Variants in FKBP5 observed in about 807,000 individuals in gnomAD.
FKBP5 encodes peptidyl-prolyl cis-trans isomerase FKBP5.
FKBP5 carries 23 observed loss-of-function variants against 50.5 expected under a neutral mutation model. The ratio of observed to expected loss-of-function variants is 0.46; its 90% CI spans 0.33 to 0.65. The LOEUF is 0.65. Ranked by LOEUF, FKBP5 falls within the 30% of genes least tolerant of loss-of-function variation. The pLI is 0.02. For missense variants in FKBP5, 411 were observed against 553.1 expected, an observed-to-expected ratio of 0.74 and a Z score of 2.58; for synonymous variants, 176 against 190.6, an observed-to-expected ratio of 0.92 and a Z score of 0.63.
intron 9 of FKBP5, among the ~76,000 whole-genome samples, chr6:35,579,201 A>G (rs1270364438): frequency 6.6e-6 from 1 of 152,208 alleles, no homozygotes; most frequent in Non-Finnish European, 1.5e-5. Flanking sequence ...TATGAAAAAA[A>G]CGAAAAAATA....
chr6:35,626,407 C>T (rs1041149890), intron 3 of FKBP5, among the ~76,000 whole-genome samples: 42 of 152,022 alleles, frequency 2.8e-4, no homozygotes, highest in African/African-American at 9.9e-4. Flanking sequence ...TTAACAGTTT[C>T]ATTTATAGTA....
chr6:35,616,529 A>G (rs1355538420), intron 5 of FKBP5, among the ~76,000 whole-genome samples: 1 of 152,052 alleles, frequency 6.6e-6, no homozygotes, highest in Non-Finnish European at 1.5e-5. Flanking sequence ...TAAAGCATAT[A>G]AGGGAACGCG....
At chr6:35,658,066 TAAA>T (rs747364862) in intron 1 of FKBP5, among the ~76,000 whole-genome samples, 1 of 111,058 alleles carries the variant, frequency 9.0e-6, no homozygotes. Flanking sequence ...CTGTTTCTAC[TAAA>T]AAAAAAAAAA....
chr6:35,618,974 G>C (rs1763741970), intron 5 of FKBP5, 122 bp downstream of exon 5: 1 of 670,454 alleles, frequency 1.5e-6, no homozygotes, highest in Non-Finnish European at 2.6e-6. Context: ...GGGATTACAG[G>C]CGTGAGTCAC....
rs777842543 is a variant in FKBP5 at position 35,575,898 on chromosome 6, G to A, written c.1311C>T (p.Val437=). 8 of 1,613,840 alleles carry A rather than the reference G, an allele frequency of 5.0e-6. No homozygotes were observed. The South Asian group carries it at 5.5e-5, about 11-fold the overall frequency. ...GACTGTCTGTTCCTTTTTCATTAGT[G>A]ACCCCTTCTGAAGTCTTCTTGCCCA... is the stretch of plus-strand genomic sequence containing the variant. ...KAMGKKTSEG[V]TNEKGTDSQA... The change falls in exon 11 of 11, where the codon GTC becomes GTT. Residue 437 remains valine, a synonymous_variant. Coordinates refer to ENST00000357266, the MANE Select transcript of FKBP5 (RefSeq NM_004117.4).
intron 4 of FKBP5, 28 bp from the exon 5 acceptor site, chr6:35,619,238 G>A (rs1440720752): frequency 6.6e-7 from 1 of 1,508,674 alleles, no homozygotes; most frequent in Admixed American, 1.7e-5. Flanking sequence ...ATTCAGCTGA[G>A]AAAAGACCAA....
intron 1 of FKBP5, among the ~76,000 whole-genome samples, chr6:35,655,604 GA>G (rs1305198920): frequency 3.3e-5 from 5 of 152,154 alleles, no homozygotes; most frequent in Admixed American, 2.6e-4. Context: ...AATGGCATAG[GA>G]GCAGTACTCA....
chr6:35,611,115 G>A (rs937831559), intron 5 of FKBP5, among the ~76,000 whole-genome samples: 3 of 151,966 alleles, frequency 2.0e-5, no homozygotes, highest in African/African-American at 4.8e-5. Context: ...CACCTGTCTC[G>A]GGTTGGATTT....
At chr6:35,591,859 C>T (rs538184450) in intron 6 of FKBP5, among the ~76,000 whole-genome samples, 1 of 152,270 alleles carries the variant, frequency 6.6e-6, no homozygotes, top group South Asian at 2.1e-4. Flanking sequence ...TCTGACACCT[C>T]CTCTAGAGAA....
At chr6:35,686,407 C>T (rs1478892213) in intron 1 of FKBP5, among the ~76,000 whole-genome samples, 1 of 151,934 alleles carries the variant, frequency 6.6e-6, no homozygotes, top group African/African-American at 2.4e-5. Flanking sequence ...TGAAATGCAA[C>T]TTTATTGTAT....
intron 5 of FKBP5, among the ~76,000 whole-genome samples, chr6:35,617,089 C>A (rs1446822622): frequency 2.0e-5 from 3 of 152,102 alleles, no homozygotes; most frequent in Non-Finnish European, 2.9e-5. Context: ...TATCTCCCAA[C>A]TCCTAGTCTG....
At chr6:35,587,969 G>C (rs773024437) in intron 7 of FKBP5, among the ~76,000 whole-genome samples, 1 of 151,956 alleles carries the variant, frequency 6.6e-6, no homozygotes, top group Non-Finnish European at 1.5e-5. Flanking sequence ...AAAAGATAAC[G>C]AGTGTGTGTT....
At chr6:35,713,159 T>C (rs1258903426) in intron 2 of FKBP5, among the ~76,000 whole-genome samples, 2 of 133,022 alleles carry the variant, frequency 1.5e-5, no homozygotes, top group Admixed American at 1.5e-4. Flanking sequence ...ATTAGTAGAG[T>C]GGGCATAAGC....
chr6:35,715,686 C>T (rs1766498829), intron 2 of FKBP5, among the ~76,000 whole-genome samples: 1 of 152,220 alleles, frequency 6.6e-6, no homozygotes, highest in Non-Finnish European at 1.5e-5. Flanking sequence ...TGGGGGCAGG[C>T]TGCGAGTTGC....
chr6:35,721,781 C>T (rs1418272399), intron 1 of FKBP5, among the ~76,000 whole-genome samples: 3 of 152,228 alleles, frequency 2.0e-5, no homozygotes, highest in East Asian at 1.9e-4. Context: ...AGCCAAAATG[C>T]GTACTCCCAG....
chr6:35,692,575 G>A (rs1219880176), upstream of FKBP5, among the ~76,000 whole-genome samples: 1 of 152,074 alleles, frequency 6.6e-6, no homozygotes, highest in Non-Finnish European at 1.5e-5. Flanking sequence ...GAGGTGGGCG[G>A]ATCACCTGAG....
chr6:35,713,530 C>A (rs1766452408), intron 2 of FKBP5, among the ~76,000 whole-genome samples: 1 of 152,176 alleles, frequency 6.6e-6, no homozygotes, highest in African/African-American at 2.4e-5. Flanking sequence ...AAGACCTACC[C>A]TTCTAGCAAG....
At chr6:35,686,447 T>C (rs1765829144) in intron 1 of FKBP5, among the ~76,000 whole-genome samples, 1 of 152,086 alleles carries the variant, frequency 6.6e-6, no homozygotes, top group Non-Finnish European at 1.5e-5. Flanking sequence ...CATCACAGAA[T>C]AAGGACAATA....
intron 2 of FKBP5, among the ~76,000 whole-genome samples, chr6:35,718,245 G>C (rs929847477): frequency 6.6e-6 from 1 of 152,198 alleles, no homozygotes; most frequent in Non-Finnish European, 1.5e-5. Context: ...GCACAGAGGC[G>C]GGAAAATGCA....
Sources: gnomAD v4.1 joint callset for allele counts (sites outside exome capture counted in the v4.1 genomes callset) on GRCh38, gnomAD v4.1.1 for gene constraint, MANE v1.5 for transcripts, NCBI Gene and HGNC (gene_info 2026-07-23, HGNC 2026-07-21) for gene names.